The following TMEM65 variants were observed in gnomAD, a reference collection of about 807,000 sequenced individuals.
TMEM65 encodes transmembrane protein 65.
A neutral mutation model predicts 25.4 loss-of-function variants in TMEM65; 22 were observed. The ratio of observed to expected loss-of-function variants is 0.86; its 90% confidence interval spans 0.62 to 1.23. The LOEUF (loss-of-function observed/expected upper bound fraction) is 1.23. Among genes scored for constraint, TMEM65 ranks in the 50% most tolerant of loss-of-function variants. TMEM65 has a pLI of 0.00. For missense variants in TMEM65, 262 were observed against 308.2 expected (o/e 0.85, Z 1.12); for synonymous variants, 132 against 126.2 (o/e 1.05, Z -0.31).
chr8:124,352,184 C>T (rs1369936310), intron 1 of TMEM65, among the ~76,000 whole-genome samples: 2 of 152,088 alleles, frequency 1.3e-5, no homozygotes, highest in African/African-American at 4.8e-5. Context: ...TATACAATTA[C>T]TGAAAGTTAT....
intron 6 of TMEM65, among the ~76,000 whole-genome samples, chr8:124,316,878 G>T (rs1213832765): frequency 6.6e-6 from 1 of 152,036 alleles, no homozygotes; most frequent in African/African-American, 2.4e-5. Flanking sequence ...AAAAGGAAAA[G>T]CCCAAAATTA....
intron 1 of TMEM65, among the ~76,000 whole-genome samples, chr8:124,339,222 A>ATATATAT (rs71289657): frequency 1.5e-4 from 3 of 19,906 alleles, no homozygotes; most frequent in African/African-American, 5.3e-4. Flanking sequence ...AAAAAAAAAA[A>ATATATAT]ATATATATAT....
intron 1 of TMEM65, among the ~76,000 whole-genome samples, chr8:124,339,222 A>AAAAATAT (rs1563594368): frequency 2.5e-4 from 5 of 19,902 alleles, no homozygotes; most frequent in Non-Finnish European, 4.0e-4. Flanking sequence ...AAAAAAAAAA[A>AAAAATAT]ATATATATAT....
At chr8:124,347,568 T>G (rs1814653833) in intron 1 of TMEM65, among the ~76,000 whole-genome samples, 1 of 152,178 alleles carries the variant, frequency 6.6e-6, no homozygotes, top group South Asian at 2.1e-4. Flanking sequence ...AAACTACTTG[T>G]ACCCCTAAAA....
chr8:124,319,800 CCA>C (rs1814282843), intron 6 of TMEM65, among the ~76,000 whole-genome samples: 2 of 152,036 alleles, frequency 1.3e-5, no homozygotes, highest in Admixed American at 1.3e-4. Context: ...TCAAGGATAA[CCA>C]CAGTTTATTA....
chr8:124,319,200 G>A (rs1814275384), intron 6 of TMEM65, among the ~76,000 whole-genome samples: 1 of 152,076 alleles, frequency 6.6e-6, no homozygotes, highest in Non-Finnish European at 1.5e-5. Context: ...ATGCCTACTA[G>A]GTGTCACCAC....
chr8:124,362,404 G>A (rs1814879407), intron 1 of TMEM65, among the ~76,000 whole-genome samples: 1 of 150,726 alleles, frequency 6.6e-6, no homozygotes, highest in Non-Finnish European at 1.5e-5. Context: ...GCTCATGCCT[G>A]TAATCCCACA....
At position 124,312,836 on chromosome 8, in the gene TMEM65, A is replaced by G. The variant is rs988160903; in HGVS notation, c.*1124T>C. 6.6e-6 allele frequency: 1 copy of G among 151,968 alleles called. No individual in the cohort carries two copies. Among genetic ancestry groups the G allele is most frequent in the African/African-American group, 2.4e-5 (1 of 41,446 alleles). 9.4% of individuals were successfully genotyped at this position (151,968 alleles called of 1,614,324 possible). A position where few individuals can be genotyped will look rare whatever the true frequency, so the allele number is the denominator to read the frequency against. On this transcript the variant is annotated 3_prime_UTR_variant, in exon 7 of 7. Coordinates refer to ENST00000297632, the MANE Select transcript of TMEM65 (RefSeq NM_194291.3). ...AGTAGACTATGTAGCAAAAAAGCAA[A>G]ATATTAAATATCTAGTTTTCACTTC...
In TMEM65 at chr8:124,372,028, G is replaced by C; in HGVS notation, c.130C>G (p.Pro44Ala). 7.9e-7 allele frequency: 1 copy of C among 1,265,570 alleles called. No individual in the cohort carries two copies. The highest frequency in any genetic ancestry group is 3.2e-5 in the East Asian group (1 of 30,938). 78.4% of individuals were successfully genotyped at this position (1,265,570 alleles called of 1,614,324 possible). Residue 44 changes from proline (P) to alanine (A), a missense_variant, in exon 1 of 7, where the codon CCC becomes GCC. Coordinates refer to ENST00000297632, the MANE Select transcript of TMEM65 (RefSeq NM_194291.3). ...CTGGGGCCGCCCGGCAAGCCGCCGG[G>C]GGGCGCGAGCGCCAGCAGCCCCCGC... ...CGRGLLALAP[P>A]GGLPGGPRRL... is the part of the protein sequence containing the mutation.
chr8:124,318,430 A>C (rs1315029540), intron 6 of TMEM65, among the ~76,000 whole-genome samples: 1 of 120,848 alleles, frequency 8.3e-6, no homozygotes, highest in Non-Finnish European at 1.6e-5. Context: ...GCTGGAGTGC[A>C]ATGGCTTGAT....
chr8:124,345,546 A>G (rs1563595819), intron 1 of TMEM65, among the ~76,000 whole-genome samples: 1 of 152,226 alleles, frequency 6.6e-6, no homozygotes, highest in Non-Finnish European at 1.5e-5. Context: ...GTTTACAACA[A>G]TGGTGATGCT....
At chr8:124,369,582 G>T (rs1351567733) in intron 1 of TMEM65, among the ~76,000 whole-genome samples, 1 of 152,168 alleles carries the variant, frequency 6.6e-6, no homozygotes, top group Non-Finnish European at 1.5e-5. Flanking sequence ...TACATCGGTT[G>T]AGTACTTCAA....
intron 1 of TMEM65, among the ~76,000 whole-genome samples, chr8:124,367,036 T>C (rs1437411025): frequency 6.6e-6 from 1 of 152,216 alleles, no homozygotes; most frequent in African/African-American, 2.4e-5. Flanking sequence ...ACTTCCCTTA[T>C]TCCTTTTTAC....
At chr8:124,345,032 T>C (rs1814626366) in intron 1 of TMEM65, among the ~76,000 whole-genome samples, 1 of 152,204 alleles carries the variant, frequency 6.6e-6, no homozygotes, top group African/African-American at 2.4e-5. Context: ...GGGGAAATTG[T>C]TAAATTAAAT....
intron 1 of TMEM65, among the ~76,000 whole-genome samples, chr8:124,339,996 AT>A (rs1814566279): frequency 6.6e-6 from 1 of 152,138 alleles, no homozygotes; most frequent in African/African-American, 2.4e-5. Context: ...CACAAAAGCA[AT>A]GGGATGCATT....
chr8:124,371,104 G>A (rs1815005455), intron 1 of TMEM65, among the ~76,000 whole-genome samples: 1 of 152,056 alleles, frequency 6.6e-6, no homozygotes, highest in South Asian at 2.1e-4. Context: ...AAATCGTTTT[G>A]CTTTCATCAT....
At chr8:124,342,301 A>G (rs1311768927) in intron 1 of TMEM65, among the ~76,000 whole-genome samples, 6 of 152,156 alleles carry the variant, frequency 3.9e-5, no homozygotes, top group Non-Finnish European at 8.8e-5. Flanking sequence ...TCTGAGAAGT[A>G]CAAGTTTCTG....
intron 6 of TMEM65, among the ~76,000 whole-genome samples, chr8:124,314,385 C>A (rs60432228): frequency 2.6e-5 from 4 of 152,210 alleles, no homozygotes; most frequent in East Asian, 3.9e-4. Flanking sequence ...CTCTCTTTAC[C>A]GCCATAGCCA....
At position 124,350,483 on chromosome 8, in the gene TMEM65, A is replaced by T. The variant is rs113794348; in HGVS notation, c.305-19691T>A. On this transcript the variant is annotated intron_variant, in intron 1 of 6. Transcript: ENST00000297632. ...CTTTCCCTCTCTCTCTCTCTCACAC[A>T]CACACACACACACACACACACTTCT... Among the ~76,000 whole-genome samples, 8 of 69,270 alleles carry T rather than the reference A, an allele frequency of 1.2e-4. No individual in the cohort carries two copies. In the East Asian group the frequency reaches 1.2e-3, roughly 11 times the overall value. The allele number at this position is 69,270 out of a possible 152,430, so 45.4% of individuals were successfully genotyped here. A position where few individuals can be genotyped will look rare whatever the true frequency, so the allele number is the denominator to read the frequency against.
Sources: allele counts gnomAD v4.1 joint callset (sites outside exome capture counted in the v4.1 genomes callset), GRCh38; gene constraint gnomAD v4.1.1; transcripts MANE v1.5; gene names NCBI Gene and HGNC (gene_info 2026-07-23, HGNC 2026-07-21).